CSMD1: variants seen among roughly 807,000 people sequenced by gnomAD.
The protein encoded by CSMD1 is CUB and Sushi multiple domains 1.
Under a neutral mutation model 417.5 loss-of-function variants are expected in CSMD1, and 213 were observed. The ratio of observed to expected loss-of-function variants is 0.51; its 90% confidence interval spans 0.46 to 0.57. CSMD1 has a LOEUF of 0.57. Ranked by LOEUF, CSMD1 falls within the 20% of genes least tolerant of loss-of-function variation. The probability of loss-of-function intolerance (pLI) is 0.00; values close to 1 mark genes in which losing one functional copy is unlikely to be tolerated. For missense variants in CSMD1, 6,923 were observed against 4,529.7 expected (o/e 1.53, Z -15.17); for synonymous variants, 2,862 against 1,736.8 (o/e 1.65, Z -16.11).
At chr8:3,200,964 T>C (rs1452693587) in intron 32 of CSMD1, among the ~76,000 whole-genome samples, 1 of 152,188 alleles carries the variant, frequency 6.6e-6, no homozygotes, top group Non-Finnish European at 1.5e-5. Context: ...AGGTCATCAA[T>C]TAAAAGTGGG....
Position 4,536,870 on chromosome 8 carries a change from A to G in CSMD1, c.302+100472T>C, listed in dbSNP as rs73661514. Among the ~76,000 whole-genome samples, 360 of 152,366 alleles carry G rather than the reference A, an allele frequency of 2.4e-3. 6 individuals are homozygous for G. Among genetic ancestry groups the G allele is most frequent in the African/African-American group, 8.2e-3 (339 of 41,594 alleles). ...CCTTTTGCATTTTGCACAATAGTGC[A>G]TCAGAGTGCCAGTTTCTCCAGACTC... On this transcript the variant is annotated intron_variant, in intron 2 of 69. Coordinates refer to ENST00000635120, the MANE Select transcript of CSMD1 (RefSeq NM_033225.6).
chr8:4,369,486 A>G (rs185012658), intron 3 of CSMD1, among the ~76,000 whole-genome samples: 67 of 152,238 alleles, frequency 4.4e-4, no homozygotes, highest in African/African-American at 1.6e-3. Flanking sequence ...GGTTAAGTTC[A>G]AAATATCTGT....
At chr8:3,484,929 G>A (rs1230197815) in intron 11 of CSMD1, among the ~76,000 whole-genome samples, 1 of 152,154 alleles carries the variant, frequency 6.6e-6, no homozygotes, top group African/African-American at 2.4e-5. Flanking sequence ...CAATTGTGGG[G>A]ACGGCGTGAG....
At chr8:3,178,969 A>G (rs541385729) in intron 37 of CSMD1, among the ~76,000 whole-genome samples, 3 of 141,144 alleles carry the variant, frequency 2.1e-5, no homozygotes, top group Middle Eastern at 3.7e-3. Context: ...TTTTTTTGAG[A>G]CGGAGTCTCA....
chr8:3,294,571 G>T (rs1379837132), intron 25 of CSMD1, among the ~76,000 whole-genome samples: 5 of 151,598 alleles, frequency 3.3e-5, no homozygotes, highest in Non-Finnish European at 7.4e-5. Context: ...TGATCTGACT[G>T]CTGTGCTAGC....
At chr8:4,699,960 G>C (rs187492730) in intron 1 of CSMD1, among the ~76,000 whole-genome samples, 4 of 152,142 alleles carry the variant, frequency 2.6e-5, no homozygotes, top group African/African-American at 9.7e-5. Context: ...AGACAGGCTT[G>C]GATTCTGTAA....
intron 3 of CSMD1, among the ~76,000 whole-genome samples, chr8:4,041,437 G>A (rs907991536): frequency 6.6e-6 from 1 of 152,164 alleles, no homozygotes; most frequent in Admixed American, 6.6e-5. Flanking sequence ...CTTCTTTCGT[G>A]CCTCAACCTA....
intron 40 of CSMD1, among the ~76,000 whole-genome samples, chr8:3,147,829 A>G (rs1473919817): frequency 6.6e-6 from 1 of 152,210 alleles, no homozygotes; most frequent in African/African-American, 2.4e-5. Context: ...GGGGAGAGGC[A>G]GAGTAGTGAT....
At chr8:4,740,081 C>G (rs941543439) in intron 1 of CSMD1, among the ~76,000 whole-genome samples, 7 of 152,062 alleles carry the variant, frequency 4.6e-5, no homozygotes, top group Admixed American at 1.3e-4. Flanking sequence ...CAAGCAGAAT[C>G]TGATGGCTCT....
intron 5 of CSMD1, among the ~76,000 whole-genome samples, chr8:3,773,579 ACC>A (rs1161461663): frequency 6.6e-6 from 1 of 152,012 alleles, no homozygotes; most frequent in East Asian, 1.9e-4. Flanking sequence ...GAGCCACCAC[ACC>A]CGTCCTATAA....
intron 3 of CSMD1, among the ~76,000 whole-genome samples, chr8:4,075,419 T>C (rs931380630): frequency 1.3e-5 from 2 of 152,176 alleles, no homozygotes; most frequent in Non-Finnish European, 2.9e-5. Flanking sequence ...AATATCAAAA[T>C]AAATTTTATA....
intron 1 of CSMD1, among the ~76,000 whole-genome samples, chr8:4,738,903 T>TAGTGTGTGTGTGTG (rs140973405): frequency 2.7e-4 from 40 of 147,494 alleles, no homozygotes; most frequent in African/African-American, 9.3e-4. Flanking sequence ...TTCTGTGTGT[T>TAGTGTGTGTGTGTG]TGTGTGTGTG....
intron 12 of CSMD1, among the ~76,000 whole-genome samples, chr8:3,443,437 T>C (rs1314245075): frequency 6.6e-6 from 1 of 152,176 alleles, no homozygotes; most frequent in Non-Finnish European, 1.5e-5. Flanking sequence ...GCTTACCCAA[T>C]TTGGGAGGCG....
intron 1 of CSMD1, among the ~76,000 whole-genome samples, chr8:4,800,065 T>A (rs570578692): frequency 6.6e-6 from 1 of 152,216 alleles, no homozygotes; most frequent in Non-Finnish European, 1.5e-5. Context: ...AAAATTTGAA[T>A]GATATAAAAT....
intron 3 of CSMD1, among the ~76,000 whole-genome samples, chr8:4,287,598 C>G (rs1487496370): frequency 6.6e-6 from 1 of 151,898 alleles, no homozygotes; most frequent in Non-Finnish European, 1.5e-5. Context: ...TTCCAGGGAC[C>G]AGGTTAAGTA....
chr8:4,297,788 A>G (rs1797766383), intron 3 of CSMD1, among the ~76,000 whole-genome samples: 1 of 152,198 alleles, frequency 6.6e-6, no homozygotes, highest in African/African-American at 2.4e-5. Flanking sequence ...ATACATTTCA[A>G]AAGGATTTTC....
intron 3 of CSMD1, among the ~76,000 whole-genome samples, chr8:4,260,058 G>C (rs1051191233): frequency 4.0e-5 from 6 of 151,542 alleles, no homozygotes; most frequent in East Asian, 1.9e-4. Context: ...TGAAAGGGAA[G>C]TGTTGTCTTA....
At chr8:3,484,100 T>C (rs1034350655) in intron 11 of CSMD1, among the ~76,000 whole-genome samples, 2 of 152,226 alleles carry the variant, frequency 1.3e-5, no homozygotes, top group South Asian at 2.1e-4. Context: ...CAAACTTATA[T>C]AGATTGGCAC....
chr8:4,048,043 G>A (rs547806564), intron 3 of CSMD1, among the ~76,000 whole-genome samples: 10 of 152,280 alleles, frequency 6.6e-5, no homozygotes, highest in Admixed American at 5.2e-4. Flanking sequence ...AAAATGACAT[G>A]TAGAATTCAT....
Sources: allele counts gnomAD v4.1 joint callset (sites outside exome capture counted in the v4.1 genomes callset), GRCh38; gene constraint gnomAD v4.1.1; transcripts MANE v1.5; gene names NCBI Gene and HGNC (gene_info 2026-07-23, HGNC 2026-07-21).